Variants in MYO15A observed in about 807,000 individuals in gnomAD.
The protein encoded by MYO15A is myosin XVA, also known as unconventional myosin-XV.
MYO15A carries 308 observed loss-of-function variants against 394.6 expected under a neutral mutation model. The observed-to-expected ratio is 0.78, with a 90% CI of 0.71 to 0.86. The LOEUF (loss-of-function observed/expected upper bound fraction) is 0.86, where lower values mean the gene tolerates loss of function less well. Among genes scored for constraint, MYO15A ranks in the 40% least tolerant of loss-of-function variants. MYO15A has a pLI of 0.00. For synonymous variants in MYO15A, 1,957 were observed against 2,003.8 expected (o/e 0.98, Z 0.62); for missense variants, 4,606 against 4,799.1 (o/e 0.96, Z 1.19).
intron 20 of MYO15A, 45 bp from the exon 21 acceptor site, chr17:18,140,725 CTCAGAGGTTGAGCGCCT>C (rs2046363794): frequency 6.2e-7 from 1 of 1,614,114 alleles, no homozygotes; most frequent in Admixed American, 1.7e-5. Context: ...CCTCATGACC[CTCAGAGGTTGAGCGCCT>C]TCTTTTTCTG....
Position 18,155,224 on chromosome 17 carries a change from C to G in MYO15A, c.8339C>G (p.Thr2780Arg). ...EVYFSRIFPA[T>R]GSVGTGVQLL... ...TACTTCTCCCGCATCTTCCCCGCCACGGTGCGAGCCCCTCACTTGCCCCCT... is the reference window on the plus strand; with the variant it reads ...TACTTCTCCCGCATCTTCCCCGCCAGGGTGCGAGCCCCTCACTTGCCCCCT... The change falls in exon 46 of 66, where the codon ACG (threonine) becomes AGG (arginine). Residue 2780 changes from threonine to arginine, a missense_variant and splice_region_variant. Thr to Arg is a moderately conservative substitution (Grantham distance 71, BLOSUM62 -1). Transcript: ENST00000647165. 6.2e-7 allele frequency: 1 copy of G among 1,613,956 alleles called. No homozygotes were observed. Among genetic ancestry groups the G allele is most frequent in the Non-Finnish European group, 8.5e-7 (1 of 1,179,966 alleles).
At position 18,119,709 on chromosome 17, in the gene MYO15A, C is replaced by A; in HGVS notation, c.909C>A (p.Tyr303Ter). The A allele has an allele frequency of 6.2e-7, 1 of 1,611,276 alleles. No individual in the cohort carries two copies. Among genetic ancestry groups the A allele is most frequent in the Non-Finnish European group, 8.5e-7 (1 of 1,179,974 alleles). Residue 303 changes from tyrosine to a stop codon, truncating the protein, a stop_gained, in exon 2 of 66, where the codon TAC becomes TAA. Coordinates refer to ENST00000647165, the MANE Select transcript of MYO15A (RefSeq NM_016239.4). LOFTEE classifies it high-confidence loss of function. ...DYYGGPFDPG[Y>*]TYGYGYDDYE... ...ACGGTGGCCCCTTTGATCCGGGGTA[C>A]ACCTACGGCTACGGCTACGACGATT...
At position 18,147,011 on chromosome 17, in the gene MYO15A, G is replaced by C. The variant is rs1000305874; in HGVS notation, c.6509+904G>C. On this transcript the variant is annotated intron_variant, in intron 30 of 65. Transcript: ENST00000647165. The surrounding 1 kb of genome is among the most constrained non-coding windows in gnomAD (Gnocchi z 4.4). The stretch of plus-strand genomic sequence containing the variant: ...TATATAAACACACGTAAAGTGCTTA[G>C]AACAGAGAGGGGCACATGGTAGGTG... 7.2e-5 allele frequency among the ~76,000 whole-genome samples: 11 copies of C among 152,222 alleles called. No homozygotes were observed. The highest frequency in any genetic ancestry group is 2.0e-4 in the Admixed American group (3 of 15,280).
chr17:18,130,114 C>T (rs1271974152), intron 7 of MYO15A, among the ~76,000 whole-genome samples: 8 of 152,114 alleles, frequency 5.3e-5, no homozygotes, highest in Admixed American at 4.6e-4. Flanking sequence ...CTCCGGGCCT[C>T]GTGATCTGCC....
At chr17:18,171,878 C>A in intron 63 of MYO15A, 107 bp downstream of exon 63, 1 of 1,480,574 alleles carries the variant, frequency 6.8e-7, no homozygotes, top group Non-Finnish European at 9.0e-7. Flanking sequence ...AGGCATTTTT[C>A]AGTGCCAGTC....
At position 18,120,060 on chromosome 17, in the gene MYO15A, G is replaced by A. The variant is rs777228390; in HGVS notation, c.1260G>A (p.Ser420=). 1 of 1,613,306 alleles carries A rather than the reference G, an allele frequency of 6.2e-7. No homozygotes were observed. The highest frequency in any genetic ancestry group is 8.5e-7 in the Non-Finnish European group (1 of 1,179,938). The part of the protein sequence containing the change: ...VYPWVPPPIP[S]PHNPYAHAMD... ...CCTGGGTACCACCGCCCATCCCGTC[G>A]CCCCACAACCCGTATGCCCACGCCA... is the stretch of plus-strand genomic sequence containing the variant. Residue 420 remains serine, a synonymous_variant, in exon 2 of 66, where the codon TCG becomes TCA. Transcript: ENST00000647165.
At position 18,153,941 on chromosome 17, in the gene MYO15A, G is replaced by C; in HGVS notation, c.8088+45G>C. On this transcript the variant is annotated intron_variant, in intron 43 of 65. Coordinates refer to ENST00000647165, the MANE Select transcript of MYO15A (RefSeq NM_016239.4). The surrounding 1 kb of genome is among the most constrained non-coding windows in gnomAD (Gnocchi z 4.1). ...CCAGGGGAGGGGCTGAAGCGGGGCA[G>C]GGGAGGGGCTGAAGCGAGCAGAGGA... is the stretch of plus-strand genomic sequence containing the variant. The C allele has an allele frequency of 6.2e-7, 1 of 1,610,686 alleles. No homozygotes were observed. Among genetic ancestry groups the C allele is most frequent in the Non-Finnish European group, 8.5e-7 (1 of 1,177,942 alleles).
intron 50 of MYO15A, 198 bp downstream of exon 50, chr17:18,157,428 T>A: frequency 1.1e-6 from 1 of 913,836 alleles, no homozygotes; most frequent in Non-Finnish European, 1.7e-6. Flanking sequence ...GGGGTCTCCG[T>A]GGGCATTTCC....
chr17:18,145,978 T>C lies in MYO15A; in HGVS notation c.6380T>C (p.Ile2127Thr). ...GLAVPELRDE[I>T]LAQLANQVWH... The stretch of plus-strand genomic sequence containing the variant: ...GCGGTGCCTGAGCTGCGGGATGAGA[T>C]CCTGGCACAGCTGGCCAATCAGGTG... Residue 2127 changes from isoleucine to threonine, a missense_variant, in exon 30 of 66, where the codon ATC (isoleucine) becomes ACC (threonine). Coordinates refer to ENST00000647165, the MANE Select transcript of MYO15A (RefSeq NM_016239.4). 6.2e-7 allele frequency: 1 copy of C among 1,613,790 alleles called. No individual in the cohort carries two copies. The highest frequency in any genetic ancestry group is 1.1e-5 in the South Asian group (1 of 91,086).
Position 18,141,043 on chromosome 17 carries a change from G to A in MYO15A, c.5431G>A (p.Val1811Met). Residue 1811 changes from valine (V) to methionine (M), a missense_variant, in exon 22 of 66, where the codon GTG (valine) becomes ATG (methionine). This residue lies in a region of MYO15A where 2,776 missense variants were observed against 3,109.3 expected (regional missense o/e 0.89). Coordinates refer to ENST00000647165, the MANE Select transcript of MYO15A (RefSeq NM_016239.4). ...GGAGCCAGGTCTCTTTGAGCCAGATGTGGTAATGGCACAATTACGCTATTC... is the reference window on the plus strand; with the variant it reads ...GGAGCCAGGTCTCTTTGAGCCAGATATGGTAATGGCACAATTACGCTATTC... ...KKEPGLFEPD[V>M]VMAQLRYSGV... The A allele has an allele frequency of 6.2e-7, 1 of 1,614,066 alleles. No individual in the cohort carries two copies.
At chr17:18,116,181 C>A (rs1332291504) in intron 1 of MYO15A, among the ~76,000 whole-genome samples, 1 of 152,212 alleles carries the variant, frequency 6.6e-6, no homozygotes, top group Non-Finnish European at 1.5e-5. Context: ...TAGCGGTGGG[C>A]AAGCACTGGA....
At position 18,124,489 on chromosome 17, in the gene MYO15A, T is replaced by C. The variant is rs1181900452; in HGVS notation, c.3616T>C (p.Ser1206Pro). ...GCCTCTCTCTCTCACACAGATGCAC[T>C]CCATCCGCAACCTGCCATCCATGCG... ...GPPSWRNKMHSIRNLPSMRFR... is the reference protein window; with the variant it reads ...GPPSWRNKMHPIRNLPSMRFR... The change falls in exon 3 of 66, where the codon TCC becomes CCC. Residue 1206 changes from serine (S) to proline (P), a missense_variant. Ser to Pro is a moderately conservative substitution (Grantham distance 74, BLOSUM62 -1). Around this residue, in one of 2 missense-constraint regions of MYO15A, gnomAD observed 2,776 missense variants for 3,109.3 expected, o/e 0.89. Transcript: ENST00000647165. 4.3e-6 allele frequency: 7 copies of C among 1,611,844 alleles called. No individual in the cohort carries two copies. The Middle Eastern group carries it at 4.9e-4, about 114-fold the overall frequency.
rs764503603 is a variant in MYO15A at position 18,173,858 on chromosome 17, C to T, written c.10428C>T (p.Pro3476=). Residue 3476 remains proline, a synonymous_variant, in exon 65 of 66, where the codon CCC becomes CCT. Transcript: ENST00000647165. The part of the protein sequence containing the change: ...TQRPTANSSY[P]YVEIALGDVA... The stretch of plus-strand genomic sequence containing the variant: ...GGCCCACGGCCAACTCCAGCTACCC[C>T]TATGTGGAGATTGCGCTGGGGGACG... 6.2e-6 allele frequency: 10 copies of T among 1,613,316 alleles called. No individual in the cohort carries two copies. In the South Asian group the frequency reaches 6.6e-5, roughly 11 times the overall value.
rs1197668854 is a variant in MYO15A, at chr17:18,120,096, C to T, written c.1296C>T (p.Ile432=). 3 of 1,612,342 alleles carry T rather than the reference C, an allele frequency of 1.9e-6. No individual in the cohort carries two copies. Among genetic ancestry groups the T allele is most frequent in the African/African-American group, 1.3e-5 (1 of 74,920 alleles). Residue 432 remains isoleucine, a synonymous_variant, in exon 2 of 66, where the codon ATC becomes ATT. Transcript: ENST00000647165. ...CGTATGCCCACGCCATGGATGACAT[C>T]GCCGAGCTGGAGGAACCAGAGGACG... is the stretch of plus-strand genomic sequence containing the variant. ...HNPYAHAMDD[I]AELEEPEDAG... is the part of the protein sequence containing the mutation.
rs374693221 is a variant in MYO15A at position 18,140,678 on chromosome 17, G to T, written c.5360+13G>T. On this transcript the variant is annotated intron_variant, in intron 20 of 65. Coordinates refer to ENST00000647165, the MANE Select transcript of MYO15A (RefSeq NM_016239.4). ...AAAAGATGGAGAGGTGGGGTGGGGG[G>T]CAGGTGGGCGGAGCACCCAGCCTCA... The T allele has an allele frequency of 1.7e-4, 281 of 1,613,958 alleles. No individual in the cohort carries two copies. Among genetic ancestry groups the T allele is most frequent in the Non-Finnish European group, 2.2e-4 (254 of 1,180,042 alleles).
At chr17:18,151,696 G>A (rs1023120767) in intron 40 of MYO15A, 150 bp from the exon 41 acceptor site, 19 of 1,143,000 alleles carry the variant, frequency 1.7e-5, no homozygotes, top group African/African-American at 1.2e-4. Flanking sequence ...AGGTTGTGCT[G>A]TAGGACTTCA....
At chr17:18,141,196 A>G in intron 22 of MYO15A, 53 bp downstream of exon 22, 1 of 1,609,440 alleles carries the variant, frequency 6.2e-7, no homozygotes, top group Non-Finnish European at 8.5e-7. Flanking sequence ...CCAACTCCCC[A>G]TGGCCCCAGG....
chr17:18,133,221 G>C lies in MYO15A; in HGVS notation c.4321-4G>C, dbSNP rs2046199466. The C allele has an allele frequency of 6.2e-7, 1 of 1,613,858 alleles. No homozygotes were observed. The highest frequency in any genetic ancestry group is 8.5e-7 in the Non-Finnish European group (1 of 1,179,972). ...CCTGACCCTCAGCCTCTGCCCTCAT[G>C]CAGGGTGGGAACTGTGAGATAGCAG... On this transcript the variant is annotated splice_polypyrimidine_tract_variant and splice_region_variant and intron_variant, in intron 11 of 65. Coordinates refer to ENST00000647165, the MANE Select transcript of MYO15A (RefSeq NM_016239.4).
chr17:18,111,068 G>A (rs1284380800), intron 1 of MYO15A, among the ~76,000 whole-genome samples: 2 of 152,212 alleles, frequency 1.3e-5, no homozygotes, highest in Non-Finnish European at 2.9e-5. Context: ...GATGGGCACA[G>A]TGGATCATAC....
Sources: allele counts gnomAD v4.1 joint callset (sites outside exome capture counted in the v4.1 genomes callset), GRCh38; gene constraint gnomAD v4.1.1; regional missense constraint gnomAD v4.1.1; non-coding constraint Gnocchi (gnomAD v3.1); transcripts MANE v1.5; gene names NCBI Gene and HGNC (gene_info 2026-07-23, HGNC 2026-07-21).